The following JAK1 variants were observed in gnomAD, a reference collection of about 807,000 sequenced individuals.
The protein encoded by JAK1 is Janus kinase 1, also known as tyrosine-protein kinase JAK1.
Under a neutral mutation model 136.6 loss-of-function variants are expected in JAK1, and 16 were observed. That is an observed-to-expected ratio of 0.12 (90% CI 0.08 to 0.18). The LOEUF is 0.18. JAK1 is among the 10% of genes least tolerant of loss of function. The pLI is 1.00. For missense variants in JAK1, 859 were observed against 1,450.1 expected, an observed-to-expected ratio of 0.59 and a Z score of 6.62; for synonymous variants, 492 against 519.5, an observed-to-expected ratio of 0.95 and a Z score of 0.72.
intron 1 of JAK1, among the ~76,000 whole-genome samples, chr1:64,934,537 G>A (rs1645754721): frequency 6.6e-6 from 1 of 152,218 alleles, no homozygotes; most frequent in South Asian, 2.1e-4. Flanking sequence ...TACGAAATGA[G>A]AGGGGCGAGA....
chr1:64,913,823 G>A (rs1288168018), intron 1 of JAK1, among the ~76,000 whole-genome samples: 1 of 151,980 alleles, frequency 6.6e-6, no homozygotes, highest in African/African-American at 2.4e-5. Flanking sequence ...GAATGTCCTG[G>A]GGCTGGGATT....
chr1:65,040,806 A>G (rs921360135), intron 2 of JAK1, among the ~76,000 whole-genome samples: 2 of 152,202 alleles, frequency 1.3e-5, no homozygotes, highest in Non-Finnish European at 2.9e-5. Context: ...ACCACGAAAA[A>G]AAACATAGTC....
intron 1 of JAK1, chr1:64,941,851 T>A (rs1054920090): frequency 3.9e-5 from 6 of 152,116 alleles, no homozygotes; most frequent in Non-Finnish European, 1.5e-5. Context: ...TTTCCAGTGT[T>A]CTCTAGGAGA....
At chr1:64,929,697 T>C (rs1352814853) in intron 1 of JAK1, among the ~76,000 whole-genome samples, 3 of 152,214 alleles carry the variant, frequency 2.0e-5, no homozygotes, top group Non-Finnish European at 4.4e-5. Context: ...TTATAAGTTA[T>C]GATACCTACA....
At chr1:65,028,886 T>C (rs923721243) in intron 2 of JAK1, among the ~76,000 whole-genome samples, 28 of 152,110 alleles carry the variant, frequency 1.8e-4, no homozygotes, top group Admixed American at 1.8e-3. Flanking sequence ...ATTTATCTGA[T>C]AGCAACAAAT....
At chr1:65,027,354 A>G (rs1646987055) in intron 2 of JAK1, among the ~76,000 whole-genome samples, 2 of 151,990 alleles carry the variant, frequency 1.3e-5, no homozygotes, top group Non-Finnish European at 2.9e-5. Context: ...CACCCAGCCA[A>G]TTATCTCGAA....
intron 17 of JAK1, among the ~76,000 whole-genome samples, chr1:64,842,782 G>A (rs912054821): frequency 2.6e-5 from 4 of 152,176 alleles, no homozygotes; most frequent in Non-Finnish European, 5.9e-5. Flanking sequence ...TTTCCCAAAA[G>A]CCTAGGCTGA....
chr1:64,932,154 C>T (rs1166875760), intron 1 of JAK1, among the ~76,000 whole-genome samples: 1 of 148,966 alleles, frequency 6.7e-6, no homozygotes, highest in Non-Finnish European at 1.5e-5. Flanking sequence ...GTTGCTCACG[C>T]CTGTAATCCC....
intron 1 of JAK1, among the ~76,000 whole-genome samples, chr1:65,053,243 AG>A (rs1647370952): frequency 6.6e-6 from 1 of 151,394 alleles, no homozygotes; most frequent in Non-Finnish European, 1.5e-5. Context: ...GCTACTCGGG[AG>A]GCTGAGGCAG....
intron 12 of JAK1, among the ~76,000 whole-genome samples, chr1:64,849,045 T>C (rs1189548340): frequency 6.6e-6 from 1 of 152,142 alleles, no homozygotes; most frequent in African/African-American, 2.4e-5. Context: ...TTCAGAATAA[T>C]TGCTCTTCCC....
intron 1 of JAK1, among the ~76,000 whole-genome samples, chr1:65,046,872 CTT>C (rs770524663): frequency 1.6e-4 from 18 of 113,368 alleles, no homozygotes; most frequent in Non-Finnish European, 2.4e-4. Flanking sequence ...GCCCCAACCT[CTT>C]TTTTTTTTTT....
intron 2 of JAK1, among the ~76,000 whole-genome samples, chr1:64,977,633 G>A (rs919898999): frequency 2.6e-5 from 4 of 151,940 alleles, no homozygotes; most frequent in Admixed American, 6.6e-5. Context: ...GGGTTTCACC[G>A]TGTTAGCAAG....
At chr1:65,007,372 C>G (rs1272494381) in intron 2 of JAK1, among the ~76,000 whole-genome samples, 1 of 152,200 alleles carries the variant, frequency 6.6e-6, no homozygotes, top group East Asian at 1.9e-4. Flanking sequence ...AGATAACCAC[C>G]ACATCACTCC....
intron 2 of JAK1, among the ~76,000 whole-genome samples, chr1:65,022,255 G>A (rs894281237): frequency 1.3e-5 from 2 of 152,168 alleles, no homozygotes; most frequent in Non-Finnish European, 2.9e-5. Context: ...CATTTTTCTT[G>A]TGTAATGTCC....
At chr1:64,932,457 A>T (rs1645714711) in intron 1 of JAK1, among the ~76,000 whole-genome samples, 1 of 152,138 alleles carries the variant, frequency 6.6e-6, no homozygotes, top group Non-Finnish European at 1.5e-5. Context: ...GATTCATAAA[A>T]GCAGTAATTA....
intron 1 of JAK1, among the ~76,000 whole-genome samples, chr1:64,917,155 C>T (rs1333183206): frequency 1.3e-5 from 2 of 152,068 alleles, no homozygotes; most frequent in Non-Finnish European, 2.9e-5. Context: ...GAGAATAAAA[C>T]AGGCTACATT....
At chr1:65,022,975 T>A (rs1646949216) in intron 2 of JAK1, 1 of 152,140 alleles carries the variant, frequency 6.6e-6, no homozygotes, top group African/African-American at 2.4e-5. Context: ...AGTAAACATT[T>A]AAAACATAGA....
At chr1:64,922,778 G>T (rs1001044178) in intron 1 of JAK1, among the ~76,000 whole-genome samples, 8 of 152,128 alleles carry the variant, frequency 5.3e-5, no homozygotes, top group Non-Finnish European at 1.0e-4. Context: ...CATCTCTAGA[G>T]CAAAAATATC....
At chr1:64,985,938 G>C in intron 2 of JAK1, 1 of 896,422 alleles carries the variant, frequency 1.1e-6, no homozygotes, top group Non-Finnish European at 1.8e-6. Context: ...CTCAGAGGGA[G>C]GGGTATTTGC....
Sources: gnomAD v4.1 joint callset for allele counts (sites outside exome capture counted in the v4.1 genomes callset) on GRCh38, gnomAD v4.1.1 for gene constraint, MANE v1.5 for transcripts, NCBI Gene and HGNC (gene_info 2026-07-23, HGNC 2026-07-21) for gene names.